Variants in CENPP observed in about 807,000 individuals in gnomAD.
CENPP encodes the protein centromere protein P.
In CENPP, 24 loss-of-function variants were observed where a neutral mutation model predicts 35.6. The ratio of observed to expected loss-of-function variants is 0.67; its 90% CI spans 0.49 to 0.95. The LOEUF (loss-of-function observed/expected upper bound fraction) is 0.95, where lower values mean the gene tolerates loss of function less well. Among genes scored for constraint, CENPP ranks in the 40% least tolerant of loss-of-function variants. CENPP has a pLI of 0.00. For missense variants in CENPP, 332 were observed against 345.3 expected, an observed-to-expected ratio of 0.96 and a Z score of 0.31; for synonymous variants, 120 against 125.5, an observed-to-expected ratio of 0.96 and a Z score of 0.29.
intron 5 of CENPP, among the ~76,000 whole-genome samples, chr9:92,428,635 C>A (rs1470688415): frequency 6.9e-6 from 1 of 144,290 alleles, no homozygotes; most frequent in Non-Finnish European, 1.6e-5. Flanking sequence ...GTTCATACAT[C>A]TCCAAGCAAT....
At chr9:92,341,116 C>G (rs1340862098) in intron 3 of CENPP, among the ~76,000 whole-genome samples, 1 of 152,254 alleles carries the variant, frequency 6.6e-6, no homozygotes, top group East Asian at 1.9e-4. Context: ...AAATATACTC[C>G]AGTCTCCCAT....
At chr9:92,497,951 C>T (rs1021851272) in intron 5 of CENPP, among the ~76,000 whole-genome samples, 1 of 151,776 alleles carries the variant, frequency 6.6e-6, no homozygotes, top group Non-Finnish European at 1.5e-5. Context: ...AATCTCTACA[C>T]ACTCCATCTC....
At chr9:92,608,971 C>T (rs926793692) in intron 5 of CENPP, among the ~76,000 whole-genome samples, 8 of 152,252 alleles carry the variant, frequency 5.3e-5, no homozygotes, top group Non-Finnish European at 1.0e-4. Flanking sequence ...AGGCCCCAGC[C>T]GTCCCAATGA....
At chr9:92,610,174 G>A (rs909602136) in intron 5 of CENPP, among the ~76,000 whole-genome samples, 2 of 152,180 alleles carry the variant, frequency 1.3e-5, no homozygotes, top group African/African-American at 4.8e-5. Context: ...TTCTGCCTCA[G>A]CCTCCTGAGT....
chr9:92,582,892 G>C (rs1384147820), intron 5 of CENPP, among the ~76,000 whole-genome samples: 1 of 152,124 alleles, frequency 6.6e-6, no homozygotes, highest in East Asian at 1.9e-4. Context: ...CGAGTCTTCA[G>C]ATTCTCTATC....
intron 5 of CENPP, among the ~76,000 whole-genome samples, chr9:92,544,586 T>G (rs2131314130): frequency 6.6e-6 from 1 of 152,188 alleles, no homozygotes; most frequent in African/African-American, 2.4e-5. Context: ...TTGTCAAATA[T>G]TCTACATTCC....
chr9:92,468,502 T>A (rs1322660433), intron 5 of CENPP, among the ~76,000 whole-genome samples: 1 of 152,230 alleles, frequency 6.6e-6, no homozygotes, highest in African/African-American at 2.4e-5. Flanking sequence ...GGGCTGTGAT[T>A]GTGTTCAGTG....
At chr9:92,370,368 A>C (rs1218502917) in intron 4 of CENPP, among the ~76,000 whole-genome samples, 1 of 152,092 alleles carries the variant, frequency 6.6e-6, no homozygotes, top group Non-Finnish European at 1.5e-5. Context: ...CTCTTTGATG[A>C]TTTAGGAATA....
chr9:92,388,547 C>CAA (rs111602359), intron 5 of CENPP, among the ~76,000 whole-genome samples: 4 of 138,460 alleles, frequency 2.9e-5, no homozygotes, highest in African/African-American at 1.0e-4. Context: ...AACTTTAAAA[C>CAA]AAAAAAAAAA....
intron 5 of CENPP, among the ~76,000 whole-genome samples, chr9:92,472,142 A>T (rs1387742829): frequency 6.6e-6 from 1 of 151,494 alleles, no homozygotes; most frequent in Non-Finnish European, 1.5e-5. Context: ...ACTTAAGGTC[A>T]GGAGTTGTAA....
At chr9:92,494,061 TTTGATTTCCTGC>T in intron 5 of CENPP, 1 of 1,595,798 alleles carries the variant, frequency 6.3e-7, no homozygotes, top group Non-Finnish European at 8.5e-7. Context: ...TACTTGTCTG[TTTGATTTCCTGC>T]TTATTGCCTC....
intron 5 of CENPP, among the ~76,000 whole-genome samples, chr9:92,471,601 G>A (rs991304650): frequency 2.0e-5 from 3 of 151,218 alleles, no homozygotes; most frequent in African/African-American, 7.3e-5. Flanking sequence ...TTTCCTTTAA[G>A]TAATTAACTT....
At chr9:92,447,664 A>C (rs72752497) in intron 5 of CENPP, among the ~76,000 whole-genome samples, 4,706 of 152,248 alleles carry the variant, frequency 0.031, 114 homozygotes, top group South Asian at 0.083. Context: ...CACATATTCC[A>C]ACAAGAATGT....
chr9:92,594,895 T>C (rs1850741962), intron 5 of CENPP, among the ~76,000 whole-genome samples: 1 of 145,938 alleles, frequency 6.9e-6, no homozygotes, highest in Non-Finnish European at 1.5e-5. Flanking sequence ...TGCTCTTCTT[T>C]TTTTTTTTTT....
chr9:92,358,634 G>A (rs1841655766), intron 4 of CENPP, among the ~76,000 whole-genome samples: 1 of 151,988 alleles, frequency 6.6e-6, no homozygotes, highest in African/African-American at 2.4e-5. Flanking sequence ...TCCAGGTTTG[G>A]TGATTTTTCT....
chr9:92,442,501 A>T (rs1271422044), intron 5 of CENPP, among the ~76,000 whole-genome samples: 1 of 151,958 alleles, frequency 6.6e-6, no homozygotes, highest in African/African-American at 2.4e-5. Flanking sequence ...GCCCAGTGTG[A>T]TTCATAATAT....
At chr9:92,415,192 T>A in intron 5 of CENPP, 1 of 1,613,596 alleles carries the variant, frequency 6.2e-7, no homozygotes, top group Non-Finnish European at 8.5e-7. Flanking sequence ...AAAGTGCCCT[T>A]CTGCTCCTTC....
intron 5 of CENPP, chr9:92,456,823 A>G: frequency 2.8e-6 from 1 of 352,616 alleles, no homozygotes; most frequent in Non-Finnish European, 4.0e-6. Flanking sequence ...TTACAGTACT[A>G]CCCAAGTTAC....
At chr9:92,514,851 CTCCTCCTCCTCA>C in intron 5 of CENPP, 5 of 1,609,420 alleles carry the variant, frequency 3.1e-6, no homozygotes, top group Non-Finnish European at 2.5e-6. Context: ...CCTCCTCACC[CTCCTCCTCCTCA>C]TCCTCCTCCT....
Sources: allele counts gnomAD v4.1 joint callset (sites outside exome capture counted in the v4.1 genomes callset), GRCh38; gene constraint gnomAD v4.1.1; transcripts MANE v1.5; gene names NCBI Gene and HGNC (gene_info 2026-07-23, HGNC 2026-07-21).